Variants in CCDC14 observed in about 807,000 individuals in gnomAD.
CCDC14 encodes coiled-coil domain containing 14, also known as coiled-coil domain-containing protein 14.
Under a neutral mutation model 81.4 loss-of-function variants are expected in CCDC14, and 71 were observed. The observed-to-expected ratio is 0.87, with a 90% CI of 0.72 to 1.06. CCDC14 has a LOEUF of 1.06. Ranked by LOEUF, CCDC14 falls within the 50% of genes least tolerant of loss-of-function variation. The probability of loss-of-function intolerance (pLI) is 0.00; values close to 1 mark genes in which losing one functional copy is unlikely to be tolerated. For synonymous variants in CCDC14, 332 were observed against 364.8 expected, an observed-to-expected ratio of 0.91 and a Z score of 1.03; for missense variants, 1,046 against 1,047.3, an observed-to-expected ratio of 1.00 and a Z score of 0.02.
chr3:123,921,951 G>A (rs2035072574), intron 12 of CCDC14, among the ~76,000 whole-genome samples: 1 of 152,142 alleles, frequency 6.6e-6, no homozygotes, highest in Non-Finnish European at 1.5e-5. Context: ...TGTGCACACA[G>A]AACATTCTTC....
chr3:123,940,338 C>G (rs1371394957), intron 9 of CCDC14, among the ~76,000 whole-genome samples: 2 of 151,544 alleles, frequency 1.3e-5, no homozygotes, highest in Non-Finnish European at 3.0e-5. Context: ...TCTTTTTCTT[C>G]TTTGAGCACT....
intron 5 of CCDC14, among the ~76,000 whole-genome samples, chr3:123,904,622 G>GAAAA (rs35632545): frequency 1.0e-3 from 147 of 144,518 alleles, no homozygotes; most frequent in African/African-American, 3.4e-3. Context: ...TGGAAAAAAA[G>GAAAA]AAAAAAAAAA....
downstream of CCDC14, among the ~76,000 whole-genome samples, chr3:123,895,510 G>T (rs1330814933): frequency 6.6e-6 from 1 of 152,300 alleles, no homozygotes; most frequent in East Asian, 1.9e-4. Flanking sequence ...GGACTCACTT[G>T]CAGAGCTTTA....
downstream of CCDC14, among the ~76,000 whole-genome samples, chr3:123,892,720 CAAACCA>C (rs56694650): frequency 0.58 from 87,777 of 151,804 alleles, 25,634 homozygotes; most frequent in Admixed American, 0.63. Flanking sequence ...GACACAAATT[CAAACCA>C]TTTCACAACT....
At chr3:123,886,196 C>G in the CCDC14 span, among the ~76,000 whole-genome samples, 1 of 151,198 alleles carries the variant, frequency 6.6e-6, no homozygotes, top group East Asian at 1.9e-4. Flanking sequence ...CTTCAAAGAC[C>G]CTAGAAGTCT....
downstream of CCDC14, among the ~76,000 whole-genome samples, chr3:123,893,402 C>T (rs1174233574): frequency 6.6e-6 from 1 of 152,114 alleles, no homozygotes; most frequent in Non-Finnish European, 1.5e-5. Flanking sequence ...TAGAATATAT[C>T]AAAACTTCAT....
At position 123,942,652 on chromosome 3, in the gene CCDC14, A is replaced by C. The variant is rs560704241; in HGVS notation, c.1343+2197T>G. On this transcript the variant is annotated intron_variant, in intron 9 of 12. Transcript: ENST00000409697. Reference sequence around the variant, plus strand: ...GCAGGTCATATCTTACACAATGTCTATAACTTATGCAGCTGTAACACTCTC... The same window carrying C: ...GCAGGTCATATCTTACACAATGTCTCTAACTTATGCAGCTGTAACACTCTC... Among the ~76,000 whole-genome samples, 9 of 152,186 alleles carry C rather than the reference A, an allele frequency of 5.9e-5. No individual in the cohort carries two copies. The South Asian group carries it at 1.7e-3, about 28-fold the overall frequency.
At chr3:123,950,201 A>G (rs905215144) in intron 5 of CCDC14, among the ~76,000 whole-genome samples, 4 of 152,226 alleles carry the variant, frequency 2.6e-5, no homozygotes, top group African/African-American at 9.6e-5. Context: ...TATACAAAAT[A>G]AATTTAGAAA....
downstream of CCDC14, among the ~76,000 whole-genome samples, chr3:123,911,180 A>C (rs2034435344): frequency 6.6e-6 from 1 of 152,000 alleles, no homozygotes; most frequent in African/African-American, 2.4e-5. Context: ...AGTCCTTTCA[A>C]AAAGTTAACT....
At chr3:123,911,023 A>C (rs772832914), downstream of CCDC14, among the ~76,000 whole-genome samples, 257 of 152,312 alleles carry the variant, frequency 1.7e-3, 2 homozygotes, top group Non-Finnish European at 9.4e-4. Context: ...AGAATAAATA[A>C]AAATTTGTCA....
Position 123,948,948 on chromosome 3 carries a change from C to T in CCDC14, c.537G>A (p.Lys179=). ...QMSLMNDLTS[K]NIPNGIPAVP... ...CAGCAGGAATTCCATTAGGGATGTT[C>T]TTTGAAGTCAAGTCATTCATCAGTG... The change falls in exon 6 of 13, where the codon AAG becomes AAA. Residue 179 remains lysine (K), a synonymous_variant. Transcript: ENST00000409697. 6.2e-7 allele frequency: 1 copy of T among 1,614,002 alleles called. No individual in the cohort carries two copies. The highest frequency in any genetic ancestry group is 8.5e-7 in the Non-Finnish European group (1 of 1,179,884).
intron 5 of CCDC14, among the ~76,000 whole-genome samples, chr3:123,951,981 T>C (rs1446414463): frequency 6.6e-6 from 1 of 152,192 alleles, no homozygotes; most frequent in Non-Finnish European, 1.5e-5. Flanking sequence ...GGACTGCAGT[T>C]ATATGACTAC....
chr3:123,937,364 G>A (rs539820155), intron 9 of CCDC14, among the ~76,000 whole-genome samples: 1 of 152,090 alleles, frequency 6.6e-6, no homozygotes, highest in Admixed American at 6.6e-5. Flanking sequence ...CCATTCTAAT[G>A]GGTATGCAGT....
intron 12 of CCDC14, among the ~76,000 whole-genome samples, chr3:123,928,912 A>G (rs2035542367): frequency 6.6e-6 from 1 of 152,216 alleles, no homozygotes; most frequent in African/African-American, 2.4e-5. Context: ...GAAAATGCAG[A>G]TACTAAAATC....
chr3:123,921,073 T>C (rs1316473954), intron 12 of CCDC14, among the ~76,000 whole-genome samples: 1 of 152,008 alleles, frequency 6.6e-6, no homozygotes, highest in Non-Finnish European at 1.5e-5. Context: ...ATGAAAAGGA[T>C]TCAAAGCATA....
intron 9 of CCDC14, among the ~76,000 whole-genome samples, chr3:123,935,238 T>C (rs1384839598): frequency 1.3e-5 from 2 of 152,124 alleles, no homozygotes; most frequent in Admixed American, 6.6e-5. Context: ...TTTTTGGCCA[T>C]AGAATTGACA....
intron 12 of CCDC14, among the ~76,000 whole-genome samples, chr3:123,920,081 A>C: frequency 6.6e-6 from 1 of 152,312 alleles, no homozygotes; most frequent in South Asian, 2.1e-4. Context: ...TTTAAAAATC[A>C]AATAGATATC....
chr3:123,889,544 G>A, the CCDC14 span, among the ~76,000 whole-genome samples: 1 of 152,172 alleles, frequency 6.6e-6, no homozygotes, highest in Admixed American at 6.5e-5. Context: ...TCACATCCAG[G>A]GCATGCTGAT....
chr3:123,920,052 CAAA>C (rs971171116), intron 12 of CCDC14, among the ~76,000 whole-genome samples: 4 of 151,820 alleles, frequency 2.6e-5, no homozygotes, highest in African/African-American at 7.2e-5. Context: ...ATAAGTTTGA[CAAA>C]GAAATAGAAA....
Sources: gnomAD v4.1 joint callset for allele counts (sites outside exome capture counted in the v4.1 genomes callset) on GRCh38, gnomAD v4.1.1 for gene constraint, MANE v1.5 for transcripts, NCBI Gene and HGNC (gene_info 2026-07-23, HGNC 2026-07-21) for gene names.